Variants in LRIG1 observed in about 807,000 individuals in gnomAD.
The protein encoded by LRIG1 is leucine-rich repeats and immunoglobulin-like domains protein 1.
In LRIG1, 48 loss-of-function variants were observed where a neutral mutation model predicts 99.2. The observed-to-expected ratio is 0.48, with a 90% CI of 0.38 to 0.62. LRIG1 has a LOEUF of 0.62. Among genes scored for constraint, LRIG1 ranks in the 20% least tolerant of loss-of-function variants. LRIG1 has a pLI of 0.00. For synonymous variants in LRIG1, 772 were observed against 596.1 expected (o/e 1.29, Z -4.30); for missense variants, 1,646 against 1,434.4 (o/e 1.15, Z -2.38).
chr3:66,491,637 T>C (rs1015643014), intron 1 of LRIG1, among the ~76,000 whole-genome samples: 5 of 152,066 alleles, frequency 3.3e-5, no homozygotes, highest in African/African-American at 9.7e-5. Flanking sequence ...CTACAGTAAA[T>C]AGTATGGTAT....
chr3:66,407,264 T>C, intron 8 of LRIG1, 84 bp downstream of exon 8: 2 of 1,462,606 alleles, frequency 1.4e-6, no homozygotes, highest in Non-Finnish European at 1.9e-6. Context: ...CCAACGCAAA[T>C]GGAGTTCAAC....
rs1435266395 is a variant in LRIG1 at position 66,412,787 on chromosome 3, A to G, written c.791+84T>C. On this transcript the variant is annotated intron_variant, in intron 6 of 18. Transcript: ENST00000273261. Reference sequence around the variant, plus strand: ...CAGCAACGTTGGTGTTGGTGCGCACATGCATGCGCACACACACACACGCCA... The same window carrying G: ...CAGCAACGTTGGTGTTGGTGCGCACGTGCATGCGCACACACACACACGCCA... 3.4e-6 allele frequency: 5 copies of G among 1,469,862 alleles called. No individual in the cohort carries two copies. The Admixed American group carries it at 9.0e-5, about 26-fold the overall frequency. 91.1% of individuals were successfully genotyped at this position (1,469,862 alleles called of 1,614,324 possible).
At chr3:66,422,015 T>G (rs6772754) in intron 3 of LRIG1, among the ~76,000 whole-genome samples, 11 of 152,320 alleles carry the variant, frequency 7.2e-5, no homozygotes, top group Non-Finnish European at 1.6e-4. Flanking sequence ...GTTGCCCCTT[T>G]CAGCTACAGC....
At chr3:66,447,913 ACGTGAAAAT>A (rs1386031582) in intron 3 of LRIG1, among the ~76,000 whole-genome samples, 2 of 152,176 alleles carry the variant, frequency 1.3e-5, no homozygotes, top group East Asian at 3.9e-4. Context: ...GAAATCTCAA[ACGTGAAAAT>A]CCACTGGCAG....
chr3:66,474,752 G>A (rs778394207), intron 1 of LRIG1, among the ~76,000 whole-genome samples: 9 of 152,136 alleles, frequency 5.9e-5, no homozygotes, highest in Non-Finnish European at 1.0e-4. Flanking sequence ...CACAAAGGAT[G>A]TGTCTTACAG....
At chr3:66,385,440 TTTGACTTAATAAC>T (rs1701326019) in intron 13 of LRIG1, among the ~76,000 whole-genome samples, 1 of 142,826 alleles carries the variant, frequency 7.0e-6, no homozygotes, top group Non-Finnish European at 1.5e-5. Context: ...CTCTCCACAA[TTTGACTTAATAAC>T]TAGTTTTTGT....
At chr3:66,389,784 C>T (rs1424208166) in intron 12 of LRIG1, among the ~76,000 whole-genome samples, 1 of 152,118 alleles carries the variant, frequency 6.6e-6, no homozygotes, top group African/African-American at 2.4e-5. Context: ...AAACAGAAGA[C>T]TTCAACAACA....
At chr3:66,496,937 G>A (rs1701240491) in intron 1 of LRIG1, among the ~76,000 whole-genome samples, 1 of 152,212 alleles carries the variant, frequency 6.6e-6, no homozygotes, top group Admixed American at 6.5e-5. Flanking sequence ...GGCAACCACA[G>A]TTGGTGTTTA....
intron 3 of LRIG1, among the ~76,000 whole-genome samples, chr3:66,424,595 T>C (rs1027882497): frequency 2.0e-5 from 3 of 152,244 alleles, no homozygotes; most frequent in African/African-American, 7.2e-5. Context: ...CTCTTTTTAT[T>C]GCCTCTCAAC....
At chr3:66,492,947 C>T (rs191578721) in intron 1 of LRIG1, among the ~76,000 whole-genome samples, 2 of 152,330 alleles carry the variant, frequency 1.3e-5, no homozygotes, top group African/African-American at 4.8e-5. Flanking sequence ...AGGTGGCATC[C>T]TTGCCAGATT....
intron 1 of LRIG1, among the ~76,000 whole-genome samples, chr3:66,470,556 C>G (rs1410705449): frequency 1.3e-5 from 2 of 152,164 alleles, no homozygotes; most frequent in Non-Finnish European, 2.9e-5. Context: ...AGAATAGCCC[C>G]ATGCTGCCAG....
At chr3:66,418,373 G>T (rs575775624) in intron 3 of LRIG1, among the ~76,000 whole-genome samples, 1 of 152,176 alleles carries the variant, frequency 6.6e-6, no homozygotes, top group African/African-American at 2.4e-5. Context: ...GATTACAGGC[G>T]TGAGCCACCA....
intron 5 of LRIG1, among the ~76,000 whole-genome samples, chr3:66,413,884 G>A (rs945853610): frequency 1.3e-5 from 2 of 151,822 alleles, no homozygotes; most frequent in East Asian, 1.9e-4. Context: ...CCTGGCCCTC[G>A]ACAATTATTT....
intron 3 of LRIG1, among the ~76,000 whole-genome samples, chr3:66,430,487 G>A (rs1703133640): frequency 6.6e-6 from 1 of 152,150 alleles, no homozygotes; most frequent in South Asian, 2.1e-4. Flanking sequence ...CTCACTTCTA[G>A]CCACAGCTCG....
chr3:66,497,704 C>CAAAAAAAAAAAAAAAA (rs71616223), intron 1 of LRIG1, among the ~76,000 whole-genome samples: 1 of 89,266 alleles, frequency 1.1e-5, no homozygotes, highest in Non-Finnish European at 2.0e-5. Context: ...GCACTGTTTA[C>CAAAAAAAAAAAAAAAA]AAAAAAAAAA....
At chr3:66,430,860 T>C (rs1034570251) in intron 3 of LRIG1, among the ~76,000 whole-genome samples, 3 of 152,120 alleles carry the variant, frequency 2.0e-5, no homozygotes, top group East Asian at 1.9e-4. Context: ...AGGGCCAACA[T>C]AGACACTTGC....
chr3:66,486,378 G>T (rs549190094), intron 1 of LRIG1, among the ~76,000 whole-genome samples: 1 of 152,080 alleles, frequency 6.6e-6, no homozygotes, highest in South Asian at 2.1e-4. Flanking sequence ...ACCACCGTGC[G>T]TCATGAACCG....
chr3:66,484,166 A>AAT, intron 1 of LRIG1, among the ~76,000 whole-genome samples: 1 of 152,226 alleles, frequency 6.6e-6, no homozygotes, highest in Middle Eastern at 3.2e-3. Flanking sequence ...AGCAAGGTAT[A>AAT]TTCAGGAAAT....
At chr3:66,467,769 T>A (rs1011694736) in intron 1 of LRIG1, among the ~76,000 whole-genome samples, 5 of 152,240 alleles carry the variant, frequency 3.3e-5, no homozygotes, top group Non-Finnish European at 5.9e-5. Context: ...TCTATTAAAC[T>A]GTGCTGTGTC....
Sources: gnomAD v4.1 joint callset for allele counts (sites outside exome capture counted in the v4.1 genomes callset) on GRCh38, gnomAD v4.1.1 for gene constraint, MANE v1.5 for transcripts, NCBI Gene and HGNC (gene_info 2026-07-23, HGNC 2026-07-21) for gene names.